RANBP2: variants seen among roughly 807,000 people sequenced by gnomAD.
RANBP2 encodes the protein E3 SUMO-protein ligase RanBP2.
RANBP2 carries 57 observed loss-of-function variants against 303.6 expected under a neutral mutation model. The observed-to-expected ratio is 0.19, with a 90% CI of 0.15 to 0.23. The LOEUF (loss-of-function observed/expected upper bound fraction) is 0.23, where lower values mean the gene tolerates loss of function less well. Ranked by LOEUF, RANBP2 falls within the 10% of genes least tolerant of loss-of-function variation. The pLI is 1.00. For synonymous variants in RANBP2, 1,167 were observed against 1,301.5 expected (o/e 0.90, Z 2.23); for missense variants, 3,138 against 3,780.8 (o/e 0.83, Z 4.46).
the RANBP2 span, among the ~76,000 whole-genome samples, chr2:109,583,101 C>T: frequency 1.3e-5 from 2 of 152,176 alleles, no homozygotes; most frequent in Non-Finnish European, 2.9e-5. Context: ...AAGCACCATG[C>T]TGCACATTGG....
chr2:109,778,223 G>A, the RANBP2 span, among the ~76,000 whole-genome samples: 2 of 137,572 alleles, frequency 1.5e-5, no homozygotes, highest in East Asian at 4.4e-4. Flanking sequence ...GAAGTGTAAG[G>A]CCCTAGGGTT....
At chr2:108,893,612 C>CT in the RANBP2 span, among the ~76,000 whole-genome samples, 1 of 151,412 alleles carries the variant, frequency 6.6e-6, no homozygotes, top group East Asian at 1.9e-4. Flanking sequence ...ACAAAACTGA[C>CT]AAATAGAGTC....
the RANBP2 span, among the ~76,000 whole-genome samples, chr2:108,917,919 G>A: frequency 4.6e-5 from 7 of 152,092 alleles, no homozygotes; most frequent in African/African-American, 1.7e-4. Context: ...TGTTTTCCAG[G>A]CGAGTCAGAA....
At chr2:109,537,822 C>T in the RANBP2 span, among the ~76,000 whole-genome samples, 1 of 147,136 alleles carries the variant, frequency 6.8e-6, no homozygotes, top group South Asian at 2.2e-4. Context: ...TGGATCTCCA[C>T]CTGGGACTCC....
At chr2:108,759,073 A>G (rs962975111) in intron 18 of RANBP2, among the ~76,000 whole-genome samples, 6 of 150,902 alleles carry the variant, frequency 4.0e-5, no homozygotes, top group African/African-American at 1.5e-4. Context: ...CGTGGAGATA[A>G]TACTTGCCTT....
the RANBP2 span, among the ~76,000 whole-genome samples, chr2:109,704,614 C>T: frequency 6.6e-5 from 10 of 152,038 alleles, no homozygotes; most frequent in Non-Finnish European, 1.5e-4. Flanking sequence ...CTTTAGGAGG[C>T]CGAGGCAGGT....
At chr2:109,360,367 C>T in the RANBP2 span, among the ~76,000 whole-genome samples, 990 of 152,244 alleles carry the variant, frequency 6.5e-3, 10 homozygotes, top group East Asian at 0.048. Context: ...ACAGATGGTC[C>T]GCATGGGTGA....
chr2:109,131,233 A>G, the RANBP2 span, among the ~76,000 whole-genome samples: 1 of 152,138 alleles, frequency 6.6e-6, no homozygotes, highest in Non-Finnish European at 1.5e-5. Context: ...GTTAAATGCC[A>G]TACTTTGCTG....
At chr2:108,954,961 T>A in the RANBP2 span, among the ~76,000 whole-genome samples, 1 of 152,066 alleles carries the variant, frequency 6.6e-6, no homozygotes, top group Non-Finnish European at 1.5e-5. Context: ...TGGGATTACA[T>A]GCGTGAGCCA....
chr2:108,932,528 C>CAAAAAAAAAAAAAAAAAAA, the RANBP2 span, among the ~76,000 whole-genome samples: 2 of 39,122 alleles, frequency 5.1e-5, no homozygotes, highest in African/African-American at 2.0e-4. Context: ...GACTCTGTCT[C>CAAAAAAAAAAAAAAAAAAA]AAAAAAAAAA....
chr2:109,493,089 C>G, the RANBP2 span, among the ~76,000 whole-genome samples: 1 of 98,336 alleles, frequency 1.0e-5, no homozygotes, highest in African/African-American at 3.6e-5. Context: ...ACCATACATA[C>G]AAACATACAC....
At chr2:109,393,171 A>G in the RANBP2 span, among the ~76,000 whole-genome samples, 3,250 of 152,316 alleles carry the variant, frequency 0.021, 46 homozygotes, top group Non-Finnish European at 0.033. Flanking sequence ...AAGGCCAGCA[A>G]CCAGCCTTGG....
chr2:108,812,874 C>T, the RANBP2 span: 2 of 1,613,346 alleles, frequency 1.2e-6, no homozygotes, highest in Non-Finnish European at 1.7e-6. Flanking sequence ...CCATGCTGTT[C>T]ATGAAATGAA....
the RANBP2 span, among the ~76,000 whole-genome samples, chr2:108,837,130 G>T: frequency 6.6e-6 from 1 of 152,128 alleles, no homozygotes; most frequent in Non-Finnish European, 1.5e-5. Context: ...GATTTTGGAG[G>T]AAAGGCTTTC....
the RANBP2 span, among the ~76,000 whole-genome samples, chr2:109,485,150 C>G: frequency 4.7e-4 from 71 of 152,322 alleles, no homozygotes; most frequent in Non-Finnish European, 7.3e-4. Flanking sequence ...CCTGACCCAG[C>G]GTTTGGTGTG....
At position 108,782,233 on chromosome 2, in the gene RANBP2, GGAGAT is replaced by G. The variant is rs1451105214; in HGVS notation, c.8867_8871del (p.Gly2956AspfsTer23). 1 of 1,614,028 alleles carries G rather than the reference GGAGAT, an allele frequency of 6.2e-7. No individual in the cohort carries two copies. The highest frequency in any genetic ancestry group is 8.5e-7 in the Non-Finnish European group (1 of 1,180,022). ...CAGTCAGTGGAAGGAGCGCGGTGTT[GGAGAT>G]ATAAAGATTCTTTGGCATACAATGA... On this transcript the variant is annotated frameshift_variant, in exon 27 of 29. Coordinates refer to ENST00000283195, the MANE Select transcript of RANBP2 (RefSeq NM_006267.5). LOFTEE classifies it high-confidence loss of function.
At chr2:108,910,776 C>T in the RANBP2 span, 1 of 1,613,016 alleles carries the variant, frequency 6.2e-7, no homozygotes, top group African/African-American at 1.3e-5. Flanking sequence ...GTTCACAGAC[C>T]TGGGGCCTCT....
chr2:108,982,557 A>C, the RANBP2 span, among the ~76,000 whole-genome samples: 1 of 152,270 alleles, frequency 6.6e-6, no homozygotes, highest in Non-Finnish European at 1.5e-5. Context: ...TTCAAAAGCA[A>C]CAACTGTGAT....
chr2:109,075,659 GAAAT>G, the RANBP2 span, among the ~76,000 whole-genome samples: 2 of 146,058 alleles, frequency 1.4e-5, no homozygotes, highest in South Asian at 4.4e-4. Flanking sequence ...GGATATCTGA[GAAAT>G]AAAAAGGATC....
Sources: gnomAD v4.1 joint callset for allele counts (sites outside exome capture counted in the v4.1 genomes callset) on GRCh38, gnomAD v4.1.1 for gene constraint, MANE v1.5 for transcripts, NCBI Gene and HGNC (gene_info 2026-07-23, HGNC 2026-07-21) for gene names.